The following RBMS1 variants were observed in gnomAD, a reference collection of about 807,000 sequenced individuals.
The protein encoded by RBMS1 is RNA binding motif single stranded interacting protein 1.
Under a neutral mutation model 62.3 loss-of-function variants are expected in RBMS1, and 17 were observed. That is an observed-to-expected ratio of 0.27 (90% CI 0.19 to 0.41). The LOEUF is 0.41. Ranked by LOEUF, RBMS1 falls within the 10% of genes least tolerant of loss-of-function variation. The pLI, the probability that RBMS1 is intolerant of heterozygous loss-of-function variation, is 1.00. For synonymous variants in RBMS1, 172 were observed against 170.0 expected (o/e 1.01, Z -0.09); for missense variants, 334 against 504.5 (o/e 0.66, Z 3.24).
At chr2:160,443,266 C>T (rs189241157) in intron 1 of RBMS1, among the ~76,000 whole-genome samples, 5 of 151,962 alleles carry the variant, frequency 3.3e-5, no homozygotes, top group African/African-American at 4.8e-5. Flanking sequence ...AGCACAGCCC[C>T]TCCTCTGGAC....
intron 1 of RBMS1, among the ~76,000 whole-genome samples, chr2:160,389,646 C>G (rs2105207713): frequency 8.1e-6 from 1 of 123,388 alleles, no homozygotes; most frequent in African/African-American, 3.1e-5. Flanking sequence ...TGCAGTGAGC[C>G]AAGTTTGCAC....
At chr2:160,349,756 A>T (rs1275752609) in intron 2 of RBMS1, among the ~76,000 whole-genome samples, 1 of 151,650 alleles carries the variant, frequency 6.6e-6, no homozygotes, top group Non-Finnish European at 1.5e-5. Context: ...TTTTGCTTAT[A>T]ATAAGCAAAA....
chr2:160,349,258 G>A (rs1692351124), intron 2 of RBMS1, among the ~76,000 whole-genome samples: 2 of 152,104 alleles, frequency 1.3e-5, no homozygotes, highest in African/African-American at 4.8e-5. Context: ...GGTTTAATTT[G>A]CTGATGTCAC....
intron 1 of RBMS1, among the ~76,000 whole-genome samples, chr2:160,449,229 G>A (rs1206633213): frequency 2.1e-5 from 3 of 144,786 alleles, no homozygotes; most frequent in Non-Finnish European, 3.0e-5. Context: ...CAGGCCAGCC[G>A]CCCCATCTGG....
chr2:160,275,303 A>G (rs558998246), intron 13 of RBMS1: 1 of 168,136 alleles, frequency 5.9e-6, no homozygotes, highest in African/African-American at 2.4e-5. Flanking sequence ...GTTTCTGAGT[A>G]TTAAAGTAAT....
intron 1 of RBMS1, among the ~76,000 whole-genome samples, chr2:160,388,883 G>T (rs1246892847): frequency 2.0e-5 from 3 of 152,244 alleles, no homozygotes; most frequent in South Asian, 2.1e-4. Context: ...ATCCCCCTGG[G>T]GGGAGGCCTT....
At chr2:160,381,998 A>C (rs867024638) in intron 1 of RBMS1, among the ~76,000 whole-genome samples, 1 of 152,228 alleles carries the variant, frequency 6.6e-6, no homozygotes, top group Non-Finnish European at 1.5e-5. Context: ...ATTAAAGAAC[A>C]AATCTCCCCT....
At chr2:160,296,751 C>T (rs922264975) in intron 6 of RBMS1, among the ~76,000 whole-genome samples, 3 of 152,192 alleles carry the variant, frequency 2.0e-5, no homozygotes, top group African/African-American at 7.2e-5. Context: ...TTCACTGAAT[C>T]TATTAACTTC....
chr2:160,465,742 A>C (rs1054998324), intron 1 of RBMS1, among the ~76,000 whole-genome samples: 2 of 152,052 alleles, frequency 1.3e-5, no homozygotes, highest in Non-Finnish European at 2.9e-5. Flanking sequence ...CAGATTACGA[A>C]ACTGATTCAG....
At chr2:160,422,536 G>T (rs1696475062) in intron 1 of RBMS1, among the ~76,000 whole-genome samples, 1 of 152,112 alleles carries the variant, frequency 6.6e-6, no homozygotes. Flanking sequence ...ACCTGGAAAT[G>T]TAAGTTTCTC....
At chr2:160,481,985 T>C (rs540077257) in intron 1 of RBMS1, among the ~76,000 whole-genome samples, 7 of 152,342 alleles carry the variant, frequency 4.6e-5, no homozygotes, top group African/African-American at 1.7e-4. Flanking sequence ...TAAGTGCATA[T>C]GTTGAACACA....
chr2:160,313,538 G>C (rs1213036870), intron 3 of RBMS1, among the ~76,000 whole-genome samples: 1 of 151,254 alleles, frequency 6.6e-6, no homozygotes, highest in Non-Finnish European at 1.5e-5. Flanking sequence ...AGACATCTAA[G>C]TTGCCAACCA....
At chr2:160,397,159 C>T (rs753952842) in intron 1 of RBMS1, among the ~76,000 whole-genome samples, 2 of 151,992 alleles carry the variant, frequency 1.3e-5, no homozygotes, top group Non-Finnish European at 2.9e-5. Flanking sequence ...TCCCATGGCT[C>T]CTTACTACTG....
chr2:160,467,620 C>T (rs1225551130), intron 1 of RBMS1, among the ~76,000 whole-genome samples: 2 of 152,166 alleles, frequency 1.3e-5, no homozygotes, highest in East Asian at 1.9e-4. Context: ...CCTGTCTGGG[C>T]TTTCAAATGT....
intron 3 of RBMS1, among the ~76,000 whole-genome samples, chr2:160,314,930 T>A (rs1690128912): frequency 1.3e-5 from 2 of 152,038 alleles, no homozygotes; most frequent in Non-Finnish European, 2.9e-5. Context: ...GCACAAACTC[T>A]CTCTCTCTCA....
intron 2 of RBMS1, among the ~76,000 whole-genome samples, chr2:160,351,077 C>CA (rs1450202883): frequency 6.8e-6 from 1 of 147,346 alleles, no homozygotes; most frequent in African/African-American, 2.5e-5. Flanking sequence ...ATCTCAAGGA[C>CA]AAAAAACCAA....
intron 2 of RBMS1, among the ~76,000 whole-genome samples, chr2:160,318,842 C>A (rs1418397401): frequency 4.6e-5 from 7 of 152,088 alleles, no homozygotes; most frequent in Non-Finnish European, 8.8e-5. Flanking sequence ...ACTTGTAACT[C>A]AGTAATAATA....
chr2:160,442,875 CCTT>C (rs1255918927), intron 1 of RBMS1, among the ~76,000 whole-genome samples: 1 of 152,052 alleles, frequency 6.6e-6, no homozygotes, highest in Non-Finnish European at 1.5e-5. Flanking sequence ...CTTTTTTTCT[CCTT>C]CTTGTTTCTT....
intron 2 of RBMS1, among the ~76,000 whole-genome samples, chr2:160,360,363 TGA>T (rs1025525842): frequency 6.6e-6 from 1 of 152,162 alleles, no homozygotes; most frequent in African/African-American, 2.4e-5. Flanking sequence ...AATTAGCATC[TGA>T]GAGAGACAGA....
Sources: gnomAD v4.1 joint callset for allele counts (sites outside exome capture counted in the v4.1 genomes callset) on GRCh38, gnomAD v4.1.1 for gene constraint, MANE v1.5 for transcripts, NCBI Gene and HGNC (gene_info 2026-07-23, HGNC 2026-07-21) for gene names.